Variants in TAFA2 observed in about 807,000 individuals in gnomAD.
The protein encoded by TAFA2 is TAFA chemokine like family member 2.
A neutral mutation model predicts 18.8 loss-of-function variants in TAFA2; 7 were observed. The observed-to-expected ratio is 0.37, with a 90% CI of 0.21 to 0.70. TAFA2 has a LOEUF of 0.70. Ranked by LOEUF, TAFA2 falls within the 30% of genes least tolerant of loss-of-function variation. TAFA2 has a pLI of 0.53. For missense variants in TAFA2, 122 were observed against 158.1 expected (o/e 0.77, Z 1.23); for synonymous variants, 60 against 54.2 (o/e 1.11, Z -0.47).
intron 1 of TAFA2, among the ~76,000 whole-genome samples, chr12:61,998,803 T>G (rs1349344272): frequency 6.6e-6 from 1 of 152,184 alleles, no homozygotes; most frequent in Non-Finnish European, 1.5e-5. Context: ...AGGGAGGGGC[T>G]GGGAATACAC....
chr12:62,174,314 C>CA (rs1034885326), intron 1 of TAFA2, among the ~76,000 whole-genome samples: 29 of 140,658 alleles, frequency 2.1e-4, no homozygotes, highest in South Asian at 2.3e-4. Flanking sequence ...GACCCAGACT[C>CA]AAAAAAAAAA....
chr12:61,718,446 T>C (rs956124437), intron 4 of TAFA2, among the ~76,000 whole-genome samples: 2 of 152,184 alleles, frequency 1.3e-5, no homozygotes, highest in Non-Finnish European at 2.9e-5. Flanking sequence ...TCCCCTTCTC[T>C]TGGTACCCCA....
At chr12:62,157,810 G>C (rs1300943514) in intron 1 of TAFA2, among the ~76,000 whole-genome samples, 1 of 152,034 alleles carries the variant, frequency 6.6e-6, no homozygotes, top group Non-Finnish European at 1.5e-5. Context: ...ACCATTATCT[G>C]TCATATCTTA....
intron 1 of TAFA2, among the ~76,000 whole-genome samples, chr12:62,059,129 A>ATG (rs1565730990): frequency 1.3e-5 from 1 of 76,848 alleles, no homozygotes; most frequent in African/African-American, 5.3e-5. Context: ...ATATATATAT[A>ATG]TGTGTGTATA....
intron 1 of TAFA2, among the ~76,000 whole-genome samples, chr12:61,897,914 G>A (rs1875924391): frequency 6.6e-6 from 1 of 152,180 alleles, no homozygotes; most frequent in South Asian, 2.1e-4. Context: ...CCTCGTAGAA[G>A]CCTGTAAAAT....
intron 1 of TAFA2, among the ~76,000 whole-genome samples, chr12:62,157,566 C>T (rs1433567510): frequency 6.6e-6 from 1 of 152,166 alleles, no homozygotes; most frequent in African/African-American, 2.4e-5. Context: ...TACCTGGCTC[C>T]ACCTCTATCT....
intron 2 of TAFA2, among the ~76,000 whole-genome samples, chr12:61,772,627 A>C (rs1158030479): frequency 6.6e-6 from 1 of 152,052 alleles, no homozygotes; most frequent in Non-Finnish European, 1.5e-5. Context: ...TCATCGCAAT[A>C]GATTCAGAAA....
intron 1 of TAFA2, among the ~76,000 whole-genome samples, chr12:62,032,492 TATA>T (rs1448121932): frequency 4.6e-5 from 7 of 152,190 alleles, no homozygotes; most frequent in African/African-American, 1.7e-4. Flanking sequence ...TAATTGTAAC[TATA>T]ATAATAATGT....
chr12:62,165,129 A>C (rs2062430374), intron 1 of TAFA2, among the ~76,000 whole-genome samples: 1 of 152,118 alleles, frequency 6.6e-6, no homozygotes, highest in Non-Finnish European at 1.5e-5. Flanking sequence ...ACATATCTTC[A>C]GATAGCAAAC....
At chr12:62,169,812 C>T (rs1020904334) in intron 1 of TAFA2, among the ~76,000 whole-genome samples, 3 of 138,956 alleles carry the variant, frequency 2.2e-5, no homozygotes, top group Non-Finnish European at 4.5e-5. Flanking sequence ...GATCACGCCA[C>T]TACACTCCAG....
intron 1 of TAFA2, among the ~76,000 whole-genome samples, chr12:62,082,549 G>A (rs975715709): frequency 6.6e-6 from 1 of 152,152 alleles, no homozygotes; most frequent in Non-Finnish European, 1.5e-5. Flanking sequence ...CAAGCAGTGA[G>A]GCGCTGGGGC....
intron 4 of TAFA2, among the ~76,000 whole-genome samples, chr12:61,715,669 G>A (rs1869624200): frequency 6.6e-6 from 1 of 151,800 alleles, no homozygotes; most frequent in Admixed American, 6.6e-5. Flanking sequence ...GTGCTTTAAG[G>A]GGCTGAAGCA....
At chr12:61,976,650 A>C (rs1177081208) in intron 1 of TAFA2, among the ~76,000 whole-genome samples, 1 of 151,940 alleles carries the variant, frequency 6.6e-6, no homozygotes, top group African/African-American at 2.4e-5. Flanking sequence ...TAACTCATTT[A>C]CATTAGGTAT....
chr12:62,250,374 C>A (rs2062907083), intron 1 of TAFA2, among the ~76,000 whole-genome samples: 5 of 152,050 alleles, frequency 3.3e-5, no homozygotes, highest in Admixed American at 3.3e-4. Context: ...AGATTTTTCT[C>A]TGAGTTCATA....
At chr12:61,816,590 A>G (rs1283390074) in intron 2 of TAFA2, among the ~76,000 whole-genome samples, 1 of 151,398 alleles carries the variant, frequency 6.6e-6, no homozygotes, top group Non-Finnish European at 1.5e-5. Flanking sequence ...TCTTTGAGGC[A>G]TCACCATACT....
chr12:61,720,904 T>C lies in TAFA2; in HGVS notation c.385-10487A>G, dbSNP rs1014349817. 31 of 517,672 alleles carry C rather than the reference T, an allele frequency of 6.0e-5. 2 individuals carry two copies. The highest frequency in any genetic ancestry group is 3.9e-6 in the Non-Finnish European group (1 of 259,384). 32.1% of individuals were successfully genotyped at this position (517,672 alleles called of 1,614,324 possible). On this transcript the variant is annotated intron_variant, in intron 4 of 4. Transcript: ENST00000416284. ...CTCTTTCTACTTCTCCATTCGAACTTGAAGAGTTTTACACGTTTGCCTAAG... is the reference window on the plus strand; with the variant it reads ...CTCTTTCTACTTCTCCATTCGAACTCGAAGAGTTTTACACGTTTGCCTAAG...
intron 4 of TAFA2, among the ~76,000 whole-genome samples, chr12:61,752,733 T>C (rs1869077894): frequency 6.6e-6 from 1 of 152,068 alleles, no homozygotes; most frequent in Non-Finnish European, 1.5e-5. Context: ...AAGCCTCTTG[T>C]ATATGTCTGG....
intron 2 of TAFA2, among the ~76,000 whole-genome samples, chr12:61,790,251 C>T (rs965778490): frequency 1.3e-5 from 2 of 151,626 alleles, no homozygotes; most frequent in African/African-American, 4.8e-5. Flanking sequence ...GGCAAACCCA[C>T]AGCTAACATC....
At chr12:61,777,184 G>T (rs1025221178) in intron 2 of TAFA2, among the ~76,000 whole-genome samples, 15 of 151,978 alleles carry the variant, frequency 9.9e-5, no homozygotes, top group African/African-American at 3.6e-4. Flanking sequence ...GCAGCCTTCT[G>T]GGGGGAAGCA....
Sources: allele counts gnomAD v4.1 joint callset (sites outside exome capture counted in the v4.1 genomes callset), GRCh38; gene constraint gnomAD v4.1.1; transcripts MANE v1.5; gene names NCBI Gene and HGNC (gene_info 2026-07-23, HGNC 2026-07-21).